KIDINS220: variants seen among roughly 807,000 people sequenced by gnomAD.
The protein encoded by KIDINS220 is kinase D interacting substrate 220, also known as kinase D-interacting substrate of 220 kDa.
A neutral mutation model predicts 157.6 loss-of-function variants in KIDINS220; 63 were observed. The ratio of observed to expected loss-of-function variants is 0.40; its 90% CI spans 0.33 to 0.49. The LOEUF is 0.49. Among genes scored for constraint, KIDINS220 ranks in the 20% least tolerant of loss-of-function variants. KIDINS220 has a pLI of 0.66. For missense variants in KIDINS220, 1,772 were observed against 2,171.2 expected, an observed-to-expected ratio of 0.82 and a Z score of 3.65; for synonymous variants, 732 against 783.6, an observed-to-expected ratio of 0.93 and a Z score of 1.10.
At chr2:8,775,380 C>A (rs1670827391) in intron 21 of KIDINS220, among the ~76,000 whole-genome samples, 1 of 151,794 alleles carries the variant, frequency 6.6e-6, no homozygotes, top group Non-Finnish European at 1.5e-5. Context: ...AGAAACGCAA[C>A]CAAGGGCATT....
intron 15 of KIDINS220, 138 bp from the exon 16 acceptor site, chr2:8,786,495 G>A (rs1312576709): frequency 2.7e-6 from 2 of 728,072 alleles, no homozygotes; most frequent in Non-Finnish European, 4.5e-6. Context: ...TTCCAAGGAG[G>A]GAAAAGAATT....
At chr2:8,822,087 A>T (rs1678050425) in intron 2 of KIDINS220, among the ~76,000 whole-genome samples, 1 of 152,142 alleles carries the variant, frequency 6.6e-6, no homozygotes, top group East Asian at 1.9e-4. Flanking sequence ...AACACTACGC[A>T]CCTACTGAAA....
intron 26 of KIDINS220, chr2:8,740,266 C>A (rs1665444580): frequency 3.4e-6 from 2 of 595,622 alleles, no homozygotes; most frequent in South Asian, 7.4e-5. Context: ...GTCTAACATA[C>A]ACAGGCAGAG....
intron 7 of KIDINS220, among the ~76,000 whole-genome samples, chr2:8,805,706 T>G (rs1675349853): frequency 6.6e-6 from 1 of 152,200 alleles, no homozygotes; most frequent in South Asian, 2.1e-4. Context: ...AGATGGCATA[T>G]ATGACATAAG....
intron 21 of KIDINS220, among the ~76,000 whole-genome samples, chr2:8,776,057 A>G (rs1670924850): frequency 6.6e-6 from 1 of 152,224 alleles, no homozygotes. Context: ...GTGAGGCTTG[A>G]GAACTCACTT....
At chr2:8,830,492 C>T (rs1250061726) in intron 1 of KIDINS220, among the ~76,000 whole-genome samples, 1 of 152,204 alleles carries the variant, frequency 6.6e-6, no homozygotes, top group African/African-American at 2.4e-5. Context: ...GATCATGGCT[C>T]ACTGCAGCCT....
chr2:8,753,953 G>A (rs892018548), intron 22 of KIDINS220, among the ~76,000 whole-genome samples: 1 of 152,098 alleles, frequency 6.6e-6, no homozygotes, highest in African/African-American at 2.4e-5. Context: ...CTGAGATGGG[G>A]TTACTTTTAA....
intron 26 of KIDINS220, chr2:8,746,711 C>T (rs1000609225): frequency 1.9e-5 from 3 of 157,400 alleles, no homozygotes; most frequent in African/African-American, 7.2e-5. Flanking sequence ...CACCATCTAG[C>T]TTATGTGTCT....
At chr2:8,728,495 C>A, downstream of KIDINS220, among the ~76,000 whole-genome samples, 1 of 152,258 alleles carries the variant, frequency 6.6e-6, no homozygotes, top group African/African-American at 2.4e-5. Context: ...TAAACAGATA[C>A]ACACACACAT....
chr2:8,794,849 G>A (rs529989070), intron 11 of KIDINS220, among the ~76,000 whole-genome samples: 3 of 152,176 alleles, frequency 2.0e-5, no homozygotes, highest in African/African-American at 7.2e-5. Context: ...GGCTTCCAAG[G>A]CACGACCTTA....
Position 8,747,913 on chromosome 2 carries a change from A to G in KIDINS220, c.3502T>C (p.Leu1168=). The G allele has an allele frequency of 6.2e-7, 1 of 1,605,704 alleles. No homozygotes were observed. The stretch of plus-strand genomic sequence containing the variant: ...AGGCCATTGTTCTGATCTCTGGGCA[A>G]ACTCGTTTTTACTGATGGACGTGAG... ...LISRPSVKTS[L]PRDQNNGLEV... Residue 1168 remains leucine (L), a synonymous_variant, in exon 25 of 30, where the codon TTG becomes CTG. Coordinates refer to ENST00000256707, the MANE Select transcript of KIDINS220 (RefSeq NM_020738.4).
chr2:8,751,688 T>G, intron 22 of KIDINS220, 44 bp from the exon 23 acceptor site: 1 of 1,365,632 alleles, frequency 7.3e-7, no homozygotes, highest in Admixed American at 2.0e-5. Context: ...ATGTCACTAT[T>G]AGAAAGGTAA....
chr2:8,780,262 A>C (rs1671512449), intron 17 of KIDINS220, among the ~76,000 whole-genome samples: 1 of 142,518 alleles, frequency 7.0e-6, no homozygotes, highest in African/African-American at 2.4e-5. Context: ...AAAAACAGAT[A>C]TCTTTACTGG....
chr2:8,771,564 A>G (rs1670236663), intron 21 of KIDINS220, among the ~76,000 whole-genome samples: 1 of 152,136 alleles, frequency 6.6e-6, no homozygotes, highest in Admixed American at 6.6e-5. Flanking sequence ...ACTGTTGTTA[A>G]ATTTTCAAAC....
intron 2 of KIDINS220, among the ~76,000 whole-genome samples, chr2:8,823,661 A>AT (rs1047647747): frequency 6.6e-6 from 1 of 152,092 alleles, no homozygotes; most frequent in African/African-American, 2.4e-5. Context: ...TTGATGTGCT[A>AT]TTTTTTCCTT....
intron 23 of KIDINS220, 115 bp downstream of exon 23, chr2:8,751,351 T>G: frequency 1.3e-6 from 1 of 752,816 alleles, no homozygotes; most frequent in Non-Finnish European, 2.2e-6. Flanking sequence ...GTGTAGTGCT[T>G]AGTTCAATAC....
rs753935388 is a variant in KIDINS220, at chr2:8,803,087, T to C, written c.644A>G (p.Tyr215Cys). ...CAAAATTTCTTTTACTGACTGTGTG[T>C]AACCTCCTTTCACTGCCACAATAAG... ...TALIVAVKGG[Y>C]TQSVKEILKR... The change falls in exon 8 of 30, where the codon TAC becomes TGC. Residue 215 changes from tyrosine to cysteine, a missense_variant. Transcript: ENST00000256707. 3.2e-5 allele frequency: 52 copies of C among 1,612,334 alleles called. No homozygotes were observed. The South Asian group carries it at 5.1e-4, about 16-fold the overall frequency.
At chr2:8,771,708 T>G (rs1039077016) in intron 21 of KIDINS220, among the ~76,000 whole-genome samples, 2 of 152,186 alleles carry the variant, frequency 1.3e-5, no homozygotes, top group Non-Finnish European at 2.9e-5. Context: ...TAGATAGATA[T>G]AGATATACAT....
chr2:8,817,691 G>A lies in KIDINS220; in HGVS notation c.233C>T (p.Ala78Val). The change falls in exon 4 of 30, where the codon GCA becomes GTA. Residue 78 changes from alanine (A) to valine (V), a missense_variant. Ala to Val is a moderately conservative substitution (Grantham distance 64). Around this residue, in one of 3 missense-constraint regions of KIDINS220, gnomAD observed 254 missense variants for 268.6 expected, o/e 0.95. Coordinates refer to ENST00000256707, the MANE Select transcript of KIDINS220 (RefSeq NM_020738.4). ...GATGTGCACATGCCCTTCTTTCGAT[G>A]CAGATATAAGTGCTGTCCAATTATC... ...DLDNWTALIS[A>V]SKEGHVHIVE... is the part of the protein sequence containing the mutation. 6.2e-7 allele frequency: 1 copy of A among 1,606,660 alleles called. No homozygotes were observed. The highest frequency in any genetic ancestry group is 8.5e-7 in the Non-Finnish European group (1 of 1,175,960).
Sources: allele counts gnomAD v4.1 joint callset (sites outside exome capture counted in the v4.1 genomes callset), GRCh38; gene constraint gnomAD v4.1.1; regional missense constraint gnomAD v4.1.1; transcripts MANE v1.5; gene names NCBI Gene and HGNC (gene_info 2026-07-23, HGNC 2026-07-21).